Variants in ASTN2 observed in about 807,000 individuals in gnomAD.
ASTN2 encodes astrotactin-2.
Under a neutral mutation model 139.8 loss-of-function variants are expected in ASTN2, and 54 were observed. The observed-to-expected ratio is 0.39, with a 90% CI of 0.31 to 0.48. The LOEUF is 0.48. Ranked by LOEUF, ASTN2 falls within the 20% of genes least tolerant of loss-of-function variation. The pLI, the probability that ASTN2 is intolerant of heterozygous loss-of-function variation, is 0.95. For synonymous variants in ASTN2, 756 were observed against 719.5 expected (o/e 1.05, Z -0.81); for missense variants, 1,565 against 1,725.1 (o/e 0.91, Z 1.64).
chr9:116,583,029 A>G (rs1854013532), intron 19 of ASTN2: 1 of 152,206 alleles, frequency 6.6e-6, no homozygotes, highest in African/African-American at 2.4e-5. Flanking sequence ...GAGCTTGCAG[A>G]TATTAATCAA....
chr9:117,090,772 C>A (rs1017543481), intron 5 of ASTN2, among the ~76,000 whole-genome samples: 2 of 152,208 alleles, frequency 1.3e-5, no homozygotes, highest in African/African-American at 2.4e-5. Flanking sequence ...AAGGTGAGGT[C>A]AGGACTCACA....
intron 10 of ASTN2, among the ~76,000 whole-genome samples, chr9:116,914,583 T>A (rs59273051): frequency 0.032 from 4,768 of 147,824 alleles, 191 homozygotes; most frequent in African/African-American, 0.095. Context: ...TTATATATAT[T>A]TTTTTTTACA....
intron 12 of ASTN2, among the ~76,000 whole-genome samples, chr9:116,808,377 A>T (rs1831084883): frequency 6.6e-6 from 1 of 152,152 alleles, no homozygotes; most frequent in Non-Finnish European, 1.5e-5. Context: ...ATATAAACAC[A>T]CATATGCACA....
intron 16 of ASTN2, among the ~76,000 whole-genome samples, chr9:116,711,701 C>G (rs918018414): frequency 6.6e-6 from 1 of 152,186 alleles, no homozygotes; most frequent in African/African-American, 2.4e-5. Context: ...AGTCAGAAAG[C>G]TTGGCACCAT....
intron 16 of ASTN2, among the ~76,000 whole-genome samples, chr9:116,710,815 T>A (rs918974702): frequency 3.3e-5 from 5 of 151,016 alleles, no homozygotes; most frequent in Non-Finnish European, 7.4e-5. Flanking sequence ...AATAAAGCCA[T>A]GTGTTTTGTG....
At chr9:116,804,227 C>T (rs181384996) in intron 13 of ASTN2, among the ~76,000 whole-genome samples, 17 of 152,176 alleles carry the variant, frequency 1.1e-4, no homozygotes, top group African/African-American at 3.9e-4. Context: ...AATTGAAATA[C>T]AAGAGCAAGG....
At chr9:116,839,920 G>T (rs1411385952) in intron 11 of ASTN2, among the ~76,000 whole-genome samples, 1 of 137,342 alleles carries the variant, frequency 7.3e-6, no homozygotes, top group Non-Finnish European at 1.6e-5. Flanking sequence ...GGTGTTTCTC[G>T]CAGAGGGGGA....
At chr9:116,962,484 T>A (rs1167661906) in intron 10 of ASTN2, among the ~76,000 whole-genome samples, 2 of 152,240 alleles carry the variant, frequency 1.3e-5, no homozygotes, top group Non-Finnish European at 2.9e-5. Context: ...TCATCTGGTA[T>A]TACTTGATGT....
At chr9:117,015,042 A>T (rs1837635813) in intron 6 of ASTN2, among the ~76,000 whole-genome samples, 1 of 152,066 alleles carries the variant, frequency 6.6e-6, no homozygotes, top group Non-Finnish European at 1.5e-5. Context: ...TTGTTGAAAC[A>T]GCTCTAACTC....
At chr9:116,569,614 TCACATTTGGGTTCATGTG>T (rs1853408897) in intron 19 of ASTN2, among the ~76,000 whole-genome samples, 1 of 152,192 alleles carries the variant, frequency 6.6e-6, no homozygotes, top group Non-Finnish European at 1.5e-5. Flanking sequence ...CAGCTTCAAT[TCACATTTGGGTTCATGTG>T]TTTTGCTGCC....
intron 4 of ASTN2, among the ~76,000 whole-genome samples, chr9:117,122,645 C>T (rs1829586795): frequency 6.6e-6 from 1 of 152,146 alleles, no homozygotes; most frequent in East Asian, 1.9e-4. Context: ...TGGCTAGGGG[C>T]TTGACAGAGA....
At chr9:116,684,033 T>C (rs577884510) in intron 16 of ASTN2, among the ~76,000 whole-genome samples, 3 of 152,286 alleles carry the variant, frequency 2.0e-5, no homozygotes, top group African/African-American at 4.8e-5. Context: ...TCCTGACCTG[T>C]GGTAAGTAAA....
intron 19 of ASTN2, among the ~76,000 whole-genome samples, chr9:116,530,572 TATC>T (rs1587945851): frequency 1.3e-5 from 2 of 152,106 alleles, no homozygotes. Flanking sequence ...ATATATCAAA[TATC>T]ATGCTGTATA....
intron 17 of ASTN2, among the ~76,000 whole-genome samples, chr9:116,649,320 C>T (rs940847473): frequency 5.3e-5 from 8 of 151,856 alleles, no homozygotes; most frequent in Non-Finnish European, 1.2e-4. Context: ...TGCCTGTAAT[C>T]CCAGCACTTT....
At chr9:116,715,737 G>A (rs145647783) in intron 16 of ASTN2, among the ~76,000 whole-genome samples, 102 of 152,330 alleles carry the variant, frequency 6.7e-4, no homozygotes, top group African/African-American at 2.4e-3. Flanking sequence ...AGCAGGGACT[G>A]TGTCTCACTT....
chr9:116,625,295 G>A (rs1470421687), intron 17 of ASTN2, among the ~76,000 whole-genome samples: 1 of 152,150 alleles, frequency 6.6e-6, no homozygotes, highest in Non-Finnish European at 1.5e-5. Context: ...TTAGTCAGGT[G>A]TGGTGGTGGG....
chr9:117,141,212 C>T (rs899548221), intron 4 of ASTN2, 114 bp downstream of exon 4: 3 of 1,137,818 alleles, frequency 2.6e-6, no homozygotes, highest in Non-Finnish European at 2.3e-6. Context: ...GAGAAAGTGG[C>T]ACAAGTTTTA....
chr9:116,742,935 C>T (rs1829132311), intron 13 of ASTN2, among the ~76,000 whole-genome samples: 1 of 152,154 alleles, frequency 6.6e-6, no homozygotes, highest in Non-Finnish European at 1.5e-5. Flanking sequence ...TGTGTTCCAA[C>T]ACATTGCTTC....
chr9:117,040,044 A>G (rs920567467), intron 5 of ASTN2, 79 bp from the exon 6 acceptor site: 1 of 1,414,296 alleles, frequency 7.1e-7, no homozygotes, highest in Non-Finnish European at 9.5e-7. Flanking sequence ...TGGGAATTCT[A>G]TTATTTTCCA....
Sources: gnomAD v4.1 joint callset for allele counts (sites outside exome capture counted in the v4.1 genomes callset) on GRCh38, gnomAD v4.1.1 for gene constraint, MANE v1.5 for transcripts, NCBI Gene and HGNC (gene_info 2026-07-23, HGNC 2026-07-21) for gene names.